Variants in MED13L observed in about 807,000 individuals in gnomAD.
MED13L encodes mediator complex subunit 13L.
MED13L carries 7 observed loss-of-function variants against 220.9 expected under a neutral mutation model. The observed-to-expected ratio is 0.03, with a 90% CI of 0.02 to 0.06. MED13L has a LOEUF of 0.06. MED13L is among the 10% of genes least tolerant of loss of function. The pLI is 1.00. For missense variants in MED13L, 1,965 were observed against 2,760.5 expected, an observed-to-expected ratio of 0.71 and a Z score of 6.46; for synonymous variants, 1,011 against 1,015.2, an observed-to-expected ratio of 1.00 and a Z score of 0.08.
At chr12:116,079,518 A>G (rs1347895931) in intron 4 of MED13L, among the ~76,000 whole-genome samples, 1 of 151,792 alleles carries the variant, frequency 6.6e-6, no homozygotes, top group African/African-American at 2.4e-5. Flanking sequence ...GAGCTGTCGC[A>G]CCCAGCCTTT....
At chr12:116,205,405 CAA>C (rs1214250307) in intron 2 of MED13L, among the ~76,000 whole-genome samples, 1 of 149,746 alleles carries the variant, frequency 6.7e-6, no homozygotes, top group Non-Finnish European at 1.5e-5. Context: ...TACTTGGGAC[CAA>C]AGACATAAGT....
rs1010934668 is a variant in MED13L, at chr12:116,277,670, G to T, written c.-539C>A. ...TCAGCCTCGCTTCTCCTCCCTCCCC[G>T]GGCTCGCTTGCTCTGACAGCAATGG... On this transcript the variant is annotated 5_prime_UTR_variant, in exon 1 of 31. Coordinates refer to ENST00000281928, the MANE Select transcript of MED13L (RefSeq NM_015335.5). 6.7e-5 allele frequency among the ~76,000 whole-genome samples: 10 copies of T among 149,242 alleles called. No homozygotes were observed. The highest frequency in any genetic ancestry group is 1.2e-4 in the Non-Finnish European group (8 of 66,870).
intron 1 of MED13L, among the ~76,000 whole-genome samples, chr12:116,252,168 T>A (rs1479422393): frequency 6.6e-6 from 1 of 152,042 alleles, no homozygotes; most frequent in African/African-American, 2.4e-5. Context: ...ACATGAACAC[T>A]ATCAACCAAA....
At chr12:116,144,184 T>C (rs534455872) in intron 2 of MED13L, among the ~76,000 whole-genome samples, 3 of 152,342 alleles carry the variant, frequency 2.0e-5, no homozygotes, top group Non-Finnish European at 2.9e-5. Flanking sequence ...TTAACTCATG[T>C]GATTCCATTT....
At position 116,112,103 on chromosome 12, in the gene MED13L, T is replaced by C. The variant is rs199722616; in HGVS notation, c.311-591A>G. On this transcript the variant is annotated intron_variant, in intron 2 of 30. Transcript: ENST00000281928. ...TTTGACATTTTGGGAAGTATCTTGT[T>C]TGCCTCTGAAATATATTATAACATT... 2.0e-5 allele frequency among the ~76,000 whole-genome samples: 3 copies of C among 152,158 alleles called. No individual in the cohort carries two copies. In the East Asian group the frequency reaches 5.8e-4, roughly 29 times the overall value.
At chr12:116,145,271 C>T (rs6490049) in intron 2 of MED13L, among the ~76,000 whole-genome samples, 111,540 of 152,130 alleles carry the variant, frequency 0.73, 42,514 homozygotes, top group East Asian at 1. Flanking sequence ...CACATCACTA[C>T]ATATCCTTAA....
In MED13L at chr12:115,984,098, G is replaced by A; in HGVS notation, c.4531+82C>T. On this transcript the variant is annotated intron_variant, in intron 20 of 30. Transcript: ENST00000281928. ...TTACTTGAGACAAAAGAAATATAAT[G>A]TTGCATCTATAAAAGAAGGGATGGG... 1.4e-6 allele frequency: 2 copies of A among 1,398,586 alleles called. 1 individual carries two copies. The highest frequency in any genetic ancestry group is 2.4e-5 in the South Asian group (2 of 82,598). 86.6% of individuals were successfully genotyped at this position (1,398,586 alleles called of 1,614,324 possible).
At chr12:115,996,726 T>C in intron 15 of MED13L, 45 bp from the exon 16 acceptor site, 1 of 1,508,800 alleles carries the variant, frequency 6.6e-7, no homozygotes, top group South Asian at 1.1e-5. Flanking sequence ...GTAAACTCTG[T>C]AGAACACACC....
intron 4 of MED13L, 105 bp from the exon 5 acceptor site, chr12:116,022,706 T>A: frequency 3.4e-6 from 4 of 1,190,492 alleles, no homozygotes; most frequent in Non-Finnish European, 4.8e-6. Context: ...AACCGTCCAG[T>A]AAGGCTGACT....
intron 4 of MED13L, among the ~76,000 whole-genome samples, chr12:116,045,804 TA>T (rs1461099942): frequency 6.6e-6 from 1 of 151,982 alleles, no homozygotes; most frequent in African/African-American, 2.4e-5. Context: ...ATTAATGCAA[TA>T]AAAATTATTA....
chr12:116,008,503 C>T lies in MED13L; in HGVS notation c.1910G>A (p.Arg637His), dbSNP rs146499452. Residue 637 changes from arginine (R) to histidine (H), a missense_variant, in exon 10 of 31, where the codon CGT (arginine) becomes CAT (histidine). This residue lies in a region of MED13L where 818 missense variants were observed against 1,041.2 expected (regional missense o/e 0.79). Transcript: ENST00000281928. ...ESSEKWWHSY[R>H]LPPSDDAEFR... Reference sequence around the variant, plus strand: ...CTCAGCATCATCACTGGGTGGGAGACGATAACTATGCCACCACTTTTCTGA... The same window carrying T: ...CTCAGCATCATCACTGGGTGGGAGATGATAACTATGCCACCACTTTTCTGA... 161 of 1,613,722 alleles carry T rather than the reference C, an allele frequency of 1.0e-4. No individual in the cohort carries two copies. The African/African-American group carries it at 1.5e-3, about 15-fold the overall frequency.
rs556463059 is a variant in MED13L at position 115,975,843 on chromosome 12, A to G, written c.5365-105T>C. On this transcript the variant is annotated intron_variant, in intron 23 of 30. Coordinates refer to ENST00000281928, the MANE Select transcript of MED13L (RefSeq NM_015335.5). Reference sequence around the variant, plus strand: ...GGGACCCACAGGGAGTAATGGTAGTAAATCGTTTCTCTCTCTCTCTCTCCA... The same window carrying G: ...GGGACCCACAGGGAGTAATGGTAGTGAATCGTTTCTCTCTCTCTCTCTCCA... The G allele has an allele frequency of 2.9e-6, 3 of 1,045,880 alleles. No homozygotes were observed. The East Asian group carries it at 7.6e-5, about 27-fold the overall frequency. 64.8% of individuals were successfully genotyped at this position (1,045,880 alleles called of 1,614,324 possible).
intron 17 of MED13L, among the ~76,000 whole-genome samples, chr12:115,990,607 G>A (rs12312557): frequency 0.027 from 4,139 of 152,298 alleles, 181 homozygotes; most frequent in African/African-American, 0.094. Flanking sequence ...AAACAGAGAA[G>A]GGAGAAGAGA....
At chr12:116,176,619 A>G (rs1880084184) in intron 2 of MED13L, among the ~76,000 whole-genome samples, 1 of 152,186 alleles carries the variant, frequency 6.6e-6, no homozygotes, top group African/African-American at 2.4e-5. Context: ...AGGCAACAAC[A>G]AAAGTTATCT....
intron 2 of MED13L, among the ~76,000 whole-genome samples, chr12:116,158,506 A>G (rs988070121): frequency 2.0e-5 from 3 of 152,230 alleles, no homozygotes; most frequent in Non-Finnish European, 4.4e-5. Flanking sequence ...TAATTGGCAA[A>G]GATAAGTCCG....
chr12:116,234,286 G>A (rs1375550874), intron 2 of MED13L, among the ~76,000 whole-genome samples: 1 of 151,814 alleles, frequency 6.6e-6, no homozygotes, highest in Non-Finnish European at 1.5e-5. Flanking sequence ...AGAGTGCTGT[G>A]GCGTGATCTC....
Position 116,054,020 on chromosome 12 carries a change from AG to A in MED13L, c.480-31420del, listed in dbSNP as rs1189392220. On this transcript the variant is annotated intron_variant, in intron 4 of 30. Transcript: ENST00000281928. ...TCATCACATCTACTTTACATTAGAA[AG>A]GCTGCTTACAAATTGTCTGCCAGCC... Among the ~76,000 whole-genome samples the A allele has an allele frequency of 2.6e-5, 4 of 152,282 alleles. No homozygotes were observed. In the East Asian group the frequency reaches 7.7e-4, roughly 29 times the overall value.
chr12:116,072,416 A>C (rs181686061), intron 4 of MED13L, among the ~76,000 whole-genome samples: 6 of 152,344 alleles, frequency 3.9e-5, no homozygotes, highest in African/African-American at 1.2e-4. Flanking sequence ...AGACTTCTTT[A>C]GTAAACACAT....
chr12:116,079,516 G>A (rs914275014), intron 4 of MED13L, among the ~76,000 whole-genome samples: 3 of 151,936 alleles, frequency 2.0e-5, no homozygotes, highest in Non-Finnish European at 2.9e-5. Context: ...ATGAGCTGTC[G>A]CACCCAGCCT....
Sources: allele counts gnomAD v4.1 joint callset (sites outside exome capture counted in the v4.1 genomes callset), GRCh38; gene constraint gnomAD v4.1.1; regional missense constraint gnomAD v4.1.1; transcripts MANE v1.5; gene names NCBI Gene and HGNC (gene_info 2026-07-23, HGNC 2026-07-21).